Variants in CYP2C19 observed in about 807,000 individuals in gnomAD.
CYP2C19 encodes the protein cytochrome P450 2C19.
A neutral mutation model predicts 40.9 loss-of-function variants in CYP2C19; 59 were observed. The observed-to-expected ratio is 1.44, with a 90% confidence interval of 1.17 to 1.79. The LOEUF (loss-of-function observed/expected upper bound fraction) is 1.79. CYP2C19 is among the 40% of genes most tolerant of loss of function. The probability of loss-of-function intolerance (pLI) is 0.00; values close to 1 mark genes in which losing one functional copy is unlikely to be tolerated. For missense variants in CYP2C19, 754 were observed against 596.9 expected (o/e 1.26, Z -2.74); for synonymous variants, 253 against 208.7 (o/e 1.21, Z -1.83).
chr10:94,767,905 C>G (rs566470507), intron 1 of CYP2C19, among the ~76,000 whole-genome samples: 49 of 152,216 alleles, frequency 3.2e-4, no homozygotes, highest in Middle Eastern at 3.4e-3. Flanking sequence ...TACCAAGTGT[C>G]CTTCCATAGG....
At chr10:94,789,006 C>A (rs1848575268) in intron 5 of CYP2C19, among the ~76,000 whole-genome samples, 1 of 152,106 alleles carries the variant, frequency 6.6e-6, no homozygotes, top group East Asian at 1.9e-4. Context: ...TTTCCAACAT[C>A]TGTTGTTTCC....
intron 3 of CYP2C19, among the ~76,000 whole-genome samples, chr10:94,778,907 T>C (rs954505795): frequency 2.0e-5 from 3 of 152,136 alleles, no homozygotes; most frequent in African/African-American, 7.2e-5. Context: ...ATGTGGCACA[T>C]ATACACTGTG....
At chr10:94,820,384 A>G (rs1460583800) in intron 5 of CYP2C19, 112 bp from the exon 6 acceptor site, 11 of 1,267,362 alleles carry the variant, frequency 8.7e-6, no homozygotes, top group South Asian at 3.9e-5. Flanking sequence ...TTCTAGTACT[A>G]TACTTTACAG....
intron 5 of CYP2C19, among the ~76,000 whole-genome samples, chr10:94,783,140 G>A (rs911622655): frequency 5.9e-5 from 9 of 151,852 alleles, no homozygotes; most frequent in Admixed American, 2.0e-4. Context: ...CTACCCAAGG[G>A]GAAACAAAAT....
At position 94,853,011 on chromosome 10, in the gene CYP2C19, A is replaced by T; in HGVS notation, c.*97A>T. 1 of 1,338,306 alleles carries T rather than the reference A, an allele frequency of 7.5e-7. No homozygotes were observed. The highest frequency in any genetic ancestry group is 1.0e-6 in the Non-Finnish European group (1 of 963,984). The allele number at this position is 1,338,306 out of a possible 1,614,324, so 82.9% of individuals were successfully genotyped here. A position where few individuals can be genotyped will look rare whatever the true frequency, so the allele number is the denominator to read the frequency against. On this transcript the variant is annotated 3_prime_UTR_variant, in exon 9 of 9. Transcript: ENST00000371321. ...TCTGTGATGCTTCTTCTGACCCGTC[A>T]TCTCACATTTTCCCTTCCCCCAAGA...
intron 6 of CYP2C19, among the ~76,000 whole-genome samples, chr10:94,836,518 A>G (rs920419932): frequency 6.6e-6 from 1 of 152,208 alleles, no homozygotes; most frequent in African/African-American, 2.4e-5. Context: ...ATCTTACTAA[A>G]TGGATATTGA....
At chr10:94,838,085 G>C (rs532486953) in intron 6 of CYP2C19, among the ~76,000 whole-genome samples, 1 of 152,304 alleles carries the variant, frequency 6.6e-6, no homozygotes, top group African/African-American at 2.4e-5. Context: ...CAGAAAGGCA[G>C]TAGGATTTTC....
At chr10:94,847,398 G>A (rs1253407644) in intron 7 of CYP2C19, among the ~76,000 whole-genome samples, 1 of 152,154 alleles carries the variant, frequency 6.6e-6, no homozygotes, top group Non-Finnish European at 1.5e-5. Flanking sequence ...CCCTACAAAG[G>A]ACATGAACTC....
intron 5 of CYP2C19, among the ~76,000 whole-genome samples, chr10:94,785,570 T>C (rs930394775): frequency 4.6e-5 from 7 of 152,178 alleles, no homozygotes; most frequent in African/African-American, 1.7e-4. Flanking sequence ...TACTTTGTAG[T>C]AAGTTTTGAA....
At chr10:94,852,161 A>G (rs17882412) in intron 8 of CYP2C19, among the ~76,000 whole-genome samples, 139 of 152,260 alleles carry the variant, frequency 9.1e-4, no homozygotes, top group Non-Finnish European at 1.7e-3. Context: ...CAGACTGGAA[A>G]CAGAATGTGA....
rs527774950 is a variant in CYP2C19 at position 94,785,765 on chromosome 10, G to A, written c.819+3768G>A. Among the ~76,000 whole-genome samples the A allele has an allele frequency of 1.0e-3, 155 of 152,192 alleles. 1 individual carries two copies. Among genetic ancestry groups the A allele is most frequent in the African/African-American group, 3.5e-3 (146 of 41,542 alleles). ...AGACAAGCAAGCTGGAAGCCTGCCC[G>A]GTGAATGCTGATAGGAAAGAACTAC... On this transcript the variant is annotated intron_variant, in intron 5 of 8. Transcript: ENST00000371321.
intron 1 of CYP2C19, among the ~76,000 whole-genome samples, chr10:94,765,006 A>AGTC (rs1190409857): frequency 6.6e-6 from 1 of 152,128 alleles, no homozygotes; most frequent in Non-Finnish European, 1.5e-5. Context: ...GAAGGTGCAG[A>AGTC]GTCCTCCTTT....
chr10:94,843,048 C>A, intron 7 of CYP2C19, 24 bp downstream of exon 7: 1 of 1,611,222 alleles, frequency 6.2e-7, no homozygotes. Context: ...TCCTACACTG[C>A]AACTCCATGT....
chr10:94,804,406 A>G (rs1848805853), intron 5 of CYP2C19, among the ~76,000 whole-genome samples: 1 of 152,174 alleles, frequency 6.6e-6, no homozygotes, highest in Non-Finnish European at 1.5e-5. Context: ...GCCTGAGACT[A>G]AAATATCTGC....
chr10:94,799,691 G>C (rs1159590159), intron 5 of CYP2C19, among the ~76,000 whole-genome samples: 1 of 151,936 alleles, frequency 6.6e-6, no homozygotes, highest in Non-Finnish European at 1.5e-5. Flanking sequence ...GGCTTTGTTT[G>C]TTTCTCTTTA....
intron 6 of CYP2C19, among the ~76,000 whole-genome samples, chr10:94,841,518 C>G (rs944428070): frequency 1.3e-5 from 2 of 152,108 alleles, no homozygotes; most frequent in African/African-American, 4.8e-5. Flanking sequence ...GGAGGGGACC[C>G]AAAGGGGGTT....
At chr10:94,846,136 A>G (rs1382811586) in intron 7 of CYP2C19, among the ~76,000 whole-genome samples, 1 of 152,140 alleles carries the variant, frequency 6.6e-6, no homozygotes, top group Non-Finnish European at 1.5e-5. Context: ...TTCACTCTCC[A>G]GTCAAGAAAC....
intron 6 of CYP2C19, among the ~76,000 whole-genome samples, chr10:94,830,851 A>T (rs1003132742): frequency 6.6e-6 from 1 of 152,160 alleles, no homozygotes; most frequent in Non-Finnish European, 1.5e-5. Flanking sequence ...ATGTGAAATA[A>T]GCATGTCATG....
intron 3 of CYP2C19, 48 bp downstream of exon 3, chr10:94,775,587 C>T (rs1848397320): frequency 1.9e-6 from 3 of 1,613,584 alleles, no homozygotes; most frequent in South Asian, 1.1e-5. Flanking sequence ...CTGCTCTCCT[C>T]TCTACTGACA....
Sources: allele counts gnomAD v4.1 joint callset (sites outside exome capture counted in the v4.1 genomes callset), GRCh38; gene constraint gnomAD v4.1.1; transcripts MANE v1.5; gene names NCBI Gene and HGNC (gene_info 2026-07-23, HGNC 2026-07-21).